The following CRYZL1 variants were observed in gnomAD, a reference collection of about 807,000 sequenced individuals.
The protein encoded by CRYZL1 is crystallin zeta like 1.
Under a neutral mutation model 50.6 loss-of-function variants are expected in CRYZL1, and 34 were observed. That is an observed-to-expected ratio of 0.67 (90% confidence interval 0.51 to 0.89). The LOEUF (loss-of-function observed/expected upper bound fraction) is 0.89. Among genes scored for constraint, CRYZL1 ranks in the 40% least tolerant of loss-of-function variants. The pLI is 0.00. For missense variants in CRYZL1, 354 were observed against 402.3 expected, an observed-to-expected ratio of 0.88 and a Z score of 1.03; for synonymous variants, 125 against 134.3, an observed-to-expected ratio of 0.93 and a Z score of 0.48.
chr21:33,595,312 A>C (rs927959428), intron 11 of CRYZL1: 6 of 1,084,448 alleles, frequency 5.5e-6, no homozygotes, highest in Middle Eastern at 6.0e-4. Context: ...AGTATTCTGA[A>C]ATGTTTCTGT....
intron 6 of CRYZL1, among the ~76,000 whole-genome samples, chr21:33,605,610 C>G (rs368634561): frequency 7.7e-6 from 1 of 129,214 alleles, no homozygotes; most frequent in Non-Finnish European, 1.5e-5. Flanking sequence ...CACCCTCCCC[C>G]TCCTGGGTTC....
chr21:33,628,893 G>C lies in CRYZL1; in HGVS notation c.66+2593C>G, dbSNP rs113825523. ...CAAAGTGCTGGGATTATAGGCACCT[G>C]GCCTTTTAATTTCTTTTTTAGATAG... On this transcript the variant is annotated intron_variant, in intron 2 of 12. Coordinates refer to ENST00000381554, the MANE Select transcript of CRYZL1 (RefSeq NM_145858.3). Among the ~76,000 whole-genome samples the C allele has an allele frequency of 2.1e-3, 312 of 151,958 alleles. 2 individuals are homozygous for C. The highest frequency in any genetic ancestry group is 7.0e-3 in the African/African-American group (290 of 41,446).
intron 6 of CRYZL1, among the ~76,000 whole-genome samples, chr21:33,604,140 G>A (rs1296425111): frequency 6.6e-6 from 1 of 152,036 alleles, no homozygotes; most frequent in Non-Finnish European, 1.5e-5. Flanking sequence ...GGCCGAGGCG[G>A]GCGGATCACG....
intron 11 of CRYZL1, among the ~76,000 whole-genome samples, chr21:33,592,869 T>C (rs1033131898): frequency 8.5e-4 from 129 of 151,952 alleles, no homozygotes; most frequent in Non-Finnish European, 1.8e-3. Context: ...CTGACCAATA[T>C]GGTGAAATCC....
At chr21:33,639,174 CT>C (rs1397043406) in intron 1 of CRYZL1, among the ~76,000 whole-genome samples, 1 of 152,112 alleles carries the variant, frequency 6.6e-6, no homozygotes, top group Non-Finnish European at 1.5e-5. Flanking sequence ...ATTTTATTAT[CT>C]GTTGATTTTC....
intron 2 of CRYZL1, among the ~76,000 whole-genome samples, chr21:33,630,215 T>C (rs541809683): frequency 6.6e-6 from 1 of 152,320 alleles, no homozygotes; most frequent in East Asian, 1.9e-4. Context: ...ATGGAAACTC[T>C]TATACACCAC....
At chr21:33,603,081 T>C (rs1205622119) in intron 7 of CRYZL1, 2 of 245,646 alleles carry the variant, frequency 8.1e-6, no homozygotes, top group Non-Finnish European at 1.6e-5. Flanking sequence ...GGGTGGGAAA[T>C]AGGCTACAAA....
chr21:33,635,629 T>C (rs2087197650), intron 1 of CRYZL1, among the ~76,000 whole-genome samples: 1 of 151,598 alleles, frequency 6.6e-6, no homozygotes, highest in Non-Finnish European at 1.5e-5. Context: ...GCTGGGATTA[T>C]AGGCGTGAGC....
intron 2 of CRYZL1, 59 bp from the exon 3 acceptor site, chr21:33,624,819 C>G: frequency 6.5e-7 from 1 of 1,530,692 alleles, no homozygotes; most frequent in Non-Finnish European, 8.7e-7. Flanking sequence ...GAGAATATGT[C>G]TTTATGCTGT....
rs1433083832 is a variant in CRYZL1 at position 33,600,768 on chromosome 21, GGT to G, written c.577+1464_577+1465del. Reference sequence around the variant, plus strand: ...AGCCTCCCGAGTAGCTGGGACTACAGGTGCCCGCCACCATGCCAGCTAATTTT... The same window carrying G: ...AGCCTCCCGAGTAGCTGGGACTACAGGCCCGCCACCATGCCAGCTAATTTT... On this transcript the variant is annotated intron_variant, in intron 8 of 12. Transcript: ENST00000381554. Among the ~76,000 whole-genome samples the G allele has an allele frequency of 3.3e-5, 5 of 150,890 alleles. No individual in the cohort carries two copies. The Admixed American group carries it at 3.3e-4, about 10-fold the overall frequency.
intron 9 of CRYZL1, 139 bp downstream of exon 9, chr21:33,599,011 T>C (rs562078180): frequency 1.3e-5 from 9 of 700,204 alleles, no homozygotes; most frequent in Non-Finnish European, 2.2e-5. Flanking sequence ...AATTAAAAAG[T>C]CTTCAGTTAA....
rs139780268 is a variant in CRYZL1, at chr21:33,600,727, G to A, written c.578-1479C>T. Among the ~76,000 whole-genome samples, 522 of 150,344 alleles carry A rather than the reference G, an allele frequency of 3.5e-3. 5 individuals are homozygous for A. The highest frequency in any genetic ancestry group is 0.012 in the African/African-American group (486 of 40,856). On this transcript the variant is annotated intron_variant, in intron 8 of 12. Transcript: ENST00000381554. ...TGCAAGCTCTGCCTCCCAGGTTCAC[G>A]CCATTCTCCTGCCTCAGCCTCCCGA...
At chr21:33,624,182 T>C (rs1166786060) in intron 3 of CRYZL1, among the ~76,000 whole-genome samples, 1 of 152,186 alleles carries the variant, frequency 6.6e-6, no homozygotes, top group Non-Finnish European at 1.5e-5. Flanking sequence ...GTAACTTCAA[T>C]CAGACTAATA....
intron 2 of CRYZL1, among the ~76,000 whole-genome samples, chr21:33,630,616 T>A (rs1010280739): frequency 9.2e-5 from 14 of 151,810 alleles, no homozygotes; most frequent in African/African-American, 3.4e-4. Context: ...AACTATCATT[T>A]AATCCAACAA....
At chr21:33,621,564 ATC>A (rs2087002255) in intron 4 of CRYZL1, among the ~76,000 whole-genome samples, 1 of 151,590 alleles carries the variant, frequency 6.6e-6, no homozygotes, top group Admixed American at 6.6e-5. Flanking sequence ...GATGGTCTCG[ATC>A]TCCTGACCTT....
At chr21:33,630,829 C>A (rs1302679062) in intron 2 of CRYZL1, among the ~76,000 whole-genome samples, 1 of 152,148 alleles carries the variant, frequency 6.6e-6, no homozygotes, top group Non-Finnish European at 1.5e-5. Context: ...AGAGTAAAAT[C>A]CTGTCATTTG....
chr21:33,614,637 T>C (rs760737613), intron 5 of CRYZL1, among the ~76,000 whole-genome samples: 2 of 152,118 alleles, frequency 1.3e-5, no homozygotes, highest in East Asian at 1.9e-4. Flanking sequence ...AATGGCGCGA[T>C]CTCAGCCCAC....
intron 4 of CRYZL1, among the ~76,000 whole-genome samples, chr21:33,620,396 G>A (rs1170318798): frequency 6.6e-6 from 1 of 151,758 alleles, no homozygotes; most frequent in Non-Finnish European, 1.5e-5. Context: ...AGACAATATT[G>A]GTCATTCTAT....
Position 33,589,591 on chromosome 21 carries a change from T to G in CRYZL1, c.*231A>C. The stretch of plus-strand genomic sequence containing the variant: ...ATATATAGAAACAATGAAAAGGTTT[T>G]TAGAAAAATTCCCTTAAGATGTTAA... On this transcript the variant is annotated 3_prime_UTR_variant, in exon 13 of 13. Transcript: ENST00000381554. 2.0e-6 allele frequency: 1 copy of G among 508,144 alleles called. No homozygotes were observed. The highest frequency in any genetic ancestry group is 3.2e-5 in the South Asian group (1 of 30,870). The allele number at this position is 508,144 out of a possible 1,614,324, so 31.5% of individuals were successfully genotyped here.
Sources: allele counts gnomAD v4.1 joint callset (sites outside exome capture counted in the v4.1 genomes callset), GRCh38; gene constraint gnomAD v4.1.1; transcripts MANE v1.5; gene names NCBI Gene and HGNC (gene_info 2026-07-23, HGNC 2026-07-21).